The following RAD51B variants were observed in gnomAD, a reference collection of about 807,000 sequenced individuals.
RAD51B encodes DNA repair protein RAD51 homolog 2.
In RAD51B, 38 loss-of-function variants were observed where a neutral mutation model predicts 42.2. The ratio of observed to expected loss-of-function variants is 0.90; its 90% CI spans 0.70 to 1.18. The LOEUF (loss-of-function observed/expected upper bound fraction) is 1.18, where lower values mean the gene tolerates loss of function less well. Among genes scored for constraint, RAD51B ranks in the 50% most tolerant of loss-of-function variants. The pLI, the probability that RAD51B is intolerant of heterozygous loss-of-function variation, is 0.00. For synonymous variants in RAD51B, 154 were observed against 145.2 expected (o/e 1.06, Z -0.43); for missense variants, 373 against 400.7 (o/e 0.93, Z 0.59).
intron 7 of RAD51B, among the ~76,000 whole-genome samples, chr14:68,087,923 T>C (rs1249490063): frequency 1.8e-5 from 2 of 114,092 alleles, no homozygotes; most frequent in East Asian, 2.1e-4. Context: ...TAATATATTA[T>C]ATATAATTAT....
Position 67,823,490 on chromosome 14 carries a change from T to C in RAD51B, c.-2-52T>C. 2.0e-6 allele frequency: 3 copies of C among 1,507,926 alleles called. No homozygotes were observed. In the South Asian group the frequency reaches 3.5e-5, roughly 17 times the overall value. The allele number at this position is 1,507,926 out of a possible 1,614,324, so 93.4% of individuals were successfully genotyped here. On this transcript the variant is annotated intron_variant, in intron 1 of 10. Coordinates refer to ENST00000471583, the MANE Select transcript of RAD51B (RefSeq NM_133510.4). ...GATAGCCTATTCACTATCACTTATG[T>C]TATATTCTGTTGTTTTTTTCATGGT... is the stretch of plus-strand genomic sequence containing the variant.
chr14:68,429,440 C>T (rs1320193041), intron 9 of RAD51B, among the ~76,000 whole-genome samples: 15 of 152,166 alleles, frequency 9.9e-5, no homozygotes, highest in South Asian at 6.2e-4. Flanking sequence ...TTTTAATGAT[C>T]GCCATTCTAA....
intron 7 of RAD51B, among the ~76,000 whole-genome samples, chr14:68,127,659 A>G (rs1358794868): frequency 2.0e-5 from 3 of 147,242 alleles, no homozygotes; most frequent in Non-Finnish European, 4.4e-5. Context: ...ACACACATAC[A>G]CACAGTAATG....
chr14:68,496,891 T>G (rs1341551067), intron 10 of RAD51B, among the ~76,000 whole-genome samples: 1 of 152,148 alleles, frequency 6.6e-6, no homozygotes, highest in African/African-American at 2.4e-5. Flanking sequence ...TGTCCCCAGT[T>G]CTCCCTATGG....
intron 7 of RAD51B, among the ~76,000 whole-genome samples, chr14:68,034,626 C>A (rs906369705): frequency 6.6e-6 from 1 of 151,882 alleles, no homozygotes; most frequent in Non-Finnish European, 1.5e-5. Context: ...TTTATATAAC[C>A]CCATTTGATA....
intron 7 of RAD51B, among the ~76,000 whole-genome samples, chr14:68,138,995 C>T (rs1007377015): frequency 1.3e-5 from 2 of 152,102 alleles, no homozygotes; most frequent in African/African-American, 4.8e-5. Flanking sequence ...GAACCTGCCT[C>T]TACCACTTTT....
chr14:68,609,502 C>A (rs1317273475), intron 10 of RAD51B, among the ~76,000 whole-genome samples: 9 of 152,196 alleles, frequency 5.9e-5, no homozygotes, highest in African/African-American at 2.2e-4. Flanking sequence ...GAGGATGTCC[C>A]CACCTCCTTT....
chr14:68,416,436 T>C (rs965353824), intron 9 of RAD51B, among the ~76,000 whole-genome samples: 1 of 152,156 alleles, frequency 6.6e-6, no homozygotes, highest in Admixed American at 6.5e-5. Context: ...CCCTCAAATG[T>C]AAGGGCAGTG....
intron 7 of RAD51B, among the ~76,000 whole-genome samples, chr14:68,173,072 T>C (rs997754023): frequency 4.6e-5 from 7 of 152,238 alleles, no homozygotes; most frequent in Non-Finnish European, 8.8e-5. Flanking sequence ...TAAAGTATCA[T>C]TTTTAAATTT....
intron 7 of RAD51B, among the ~76,000 whole-genome samples, chr14:67,949,889 C>A (rs1183980486): frequency 1.3e-5 from 2 of 152,144 alleles, no homozygotes; most frequent in Non-Finnish European, 2.9e-5. Flanking sequence ...TCAATGAATT[C>A]TTTTCAAAAT....
intron 8 of RAD51B, among the ~76,000 whole-genome samples, chr14:68,394,545 T>C (rs1421709629): frequency 6.6e-6 from 1 of 152,260 alleles, no homozygotes; most frequent in African/African-American, 2.4e-5. Context: ...TGAGACTCCA[T>C]GAAATAATAT....
At chr14:68,031,650 GA>G in intron 7 of RAD51B, among the ~76,000 whole-genome samples, 1 of 152,078 alleles carries the variant, frequency 6.6e-6, no homozygotes, top group African/African-American at 2.4e-5. Flanking sequence ...GCAACATGAA[GA>G]AACCCTGGTG....
At chr14:67,995,620 T>TTTC (rs910227119) in intron 7 of RAD51B, among the ~76,000 whole-genome samples, 28 of 151,430 alleles carry the variant, frequency 1.8e-4, no homozygotes, top group African/African-American at 6.6e-4. Context: ...TCTTTTTTTT[T>TTTC]TTTTTTCTTT....
chr14:68,377,646 G>A (rs767288289), intron 8 of RAD51B, among the ~76,000 whole-genome samples: 35 of 152,216 alleles, frequency 2.3e-4, no homozygotes, highest in Non-Finnish European at 4.7e-4. Context: ...GACAATACCA[G>A]TATCTGTCTG....
downstream of RAD51B, among the ~76,000 whole-genome samples, chr14:68,612,641 T>G (rs976859408): frequency 6.6e-6 from 1 of 152,052 alleles, no homozygotes; most frequent in Non-Finnish European, 1.5e-5. Flanking sequence ...AGTTAATGTT[T>G]TATGGATACA....
chr14:68,338,581 A>G lies in RAD51B; in HGVS notation c.853+46601A>G, dbSNP rs2082505114. 1.1e-5 allele frequency: 3 copies of G among 266,998 alleles called. No homozygotes were observed. The South Asian group carries it at 1.2e-4, about 11-fold the overall frequency. 16.5% of individuals were successfully genotyped at this position (266,998 alleles called of 1,614,324 possible). ...CAACATGGCTTAAACATGGCTGCCA[A>G]GGGCCCACCCATGTGTAGGTTAAGT... is the stretch of plus-strand genomic sequence containing the variant. On this transcript the variant is annotated intron_variant, in intron 8 of 10. Transcript: ENST00000471583.
intron 10 of RAD51B, among the ~76,000 whole-genome samples, chr14:68,593,211 G>A (rs778022615): frequency 2.6e-5 from 4 of 152,230 alleles, no homozygotes; most frequent in African/African-American, 4.8e-5. Flanking sequence ...CTGTGAGACC[G>A]TGGGCAAGTT....
intron 8 of RAD51B, among the ~76,000 whole-genome samples, chr14:68,369,852 TA>T (rs570789946): frequency 2.0e-3 from 311 of 152,334 alleles, no homozygotes; most frequent in African/African-American, 7.2e-3. Context: ...TCTGTCTATA[TA>T]TTTTTTTCTT....
At chr14:68,300,215 C>T (rs1392323232) in intron 8 of RAD51B, among the ~76,000 whole-genome samples, 1 of 151,932 alleles carries the variant, frequency 6.6e-6, no homozygotes, top group Admixed American at 6.6e-5. Flanking sequence ...TTCTCAGCAT[C>T]TTCTCCTTCT....
Sources: allele counts gnomAD v4.1 joint callset (sites outside exome capture counted in the v4.1 genomes callset), GRCh38; gene constraint gnomAD v4.1.1; transcripts MANE v1.5; gene names NCBI Gene and HGNC (gene_info 2026-07-23, HGNC 2026-07-21).